IL5RA: variants seen among roughly 807,000 people sequenced by gnomAD.
IL5RA encodes the protein interleukin 5 receptor subunit alpha.
A neutral mutation model predicts 50.0 loss-of-function variants in IL5RA; 49 were observed. The ratio of observed to expected loss-of-function variants is 0.98; its 90% CI spans 0.78 to 1.24. IL5RA has a LOEUF of 1.24. Among genes scored for constraint, IL5RA ranks in the 50% most tolerant of loss-of-function variants. The probability of loss-of-function intolerance (pLI) is 0.00; values close to 1 mark genes in which losing one functional copy is unlikely to be tolerated. For missense variants in IL5RA, 600 were observed against 500.4 expected (o/e 1.20, Z -1.90); for synonymous variants, 202 against 174.0 (o/e 1.16, Z -1.26).
rs1482142192 is a variant in IL5RA at position 3,092,309 on chromosome 3, C to A, written c.909G>T (p.Lys303Asn). 1 of 1,613,926 alleles carries A rather than the reference C, an allele frequency of 6.2e-7. No homozygotes were observed. Among genetic ancestry groups the A allele is most frequent in the African/African-American group, 1.3e-5 (1 of 74,922 alleles). The part of the protein sequence containing the change: ...AFISIIDDLS[K>N]YDVQVRAAVS... ...CTGCTGCTCTCACTTGAACATCGTA[C>A]TTAGAAAGATCATCAATTATTGAGA... The change falls in exon 9 of 12, where the codon AAG becomes AAT. Residue 303 changes from lysine to asparagine, a missense_variant. Transcript: ENST00000446632. This position sits in a 1 kb window ranked among gnomAD's most constrained non-coding sequence, Gnocchi z 4.2.
At chr3:3,102,071 C>G (rs1379020844) in intron 4 of IL5RA, among the ~76,000 whole-genome samples, 2 of 152,180 alleles carry the variant, frequency 1.3e-5, no homozygotes, top group Non-Finnish European at 2.9e-5. Context: ...CTCAAGTTCC[C>G]TTTGAGCACC....
At chr3:3,096,863 C>T (rs1008509145) in intron 7 of IL5RA, among the ~76,000 whole-genome samples, 6 of 152,154 alleles carry the variant, frequency 3.9e-5, no homozygotes, top group Non-Finnish European at 8.8e-5. Flanking sequence ...ATTTATTAAA[C>T]CTTTATGCCA....
Position 3,101,812 on chromosome 3 carries a change from C to A in IL5RA, c.247G>T (p.Glu83Ter). ...TGGAGGATGGTTACACATTTGCTTT[C>A]AGTGATTCTGGTTTCATACTAAAAA... Reference protein sequence around the residue: ...KEDDYETRITESKCVTILHKG... With the variant: ...KEDDYETRIT The change falls in exon 5 of 12, where the codon GAA becomes TAA. Residue 83 changes from glutamate to a stop codon, truncating the protein, a stop_gained. Transcript: ENST00000446632. LOFTEE classifies it high-confidence loss of function. 1.2e-6 allele frequency: 2 copies of A among 1,613,694 alleles called. No individual in the cohort carries two copies. Among genetic ancestry groups the A allele is most frequent in the Middle Eastern group, 1.7e-4 (1 of 6,006 alleles).
Position 3,069,013 on chromosome 3 carries a change from A to G in IL5RA, c.*1212T>C, listed in dbSNP as rs1002210336. The G allele has an allele frequency of 3.3e-5, 5 of 151,894 alleles. No homozygotes were observed. The highest frequency in any genetic ancestry group is 1.2e-4 in the African/African-American group (5 of 41,154). The allele number at this position is 151,894 out of a possible 1,614,324, so 9.4% of individuals were successfully genotyped here. A position where few individuals can be genotyped will look rare whatever the true frequency, so the allele number is the denominator to read the frequency against. On this transcript the variant is annotated 3_prime_UTR_variant, in exon 12 of 12. Coordinates refer to ENST00000446632, the MANE Select transcript of IL5RA (RefSeq NM_175726.4). ...AATATATGGTAGTCAGTGTGTCCCCACCGATGGATCAAAACTGACTAAAAC... is the reference window on the plus strand; with the variant it reads ...AATATATGGTAGTCAGTGTGTCCCCGCCGATGGATCAAAACTGACTAAAAC...
intron 9 of IL5RA, among the ~76,000 whole-genome samples, chr3:3,081,196 T>TG (rs1439747495): frequency 6.6e-6 from 1 of 152,220 alleles, no homozygotes; most frequent in Non-Finnish European, 1.5e-5. Context: ...CTGAGGGCTC[T>TG]GTTAGACTTC....
chr3:3,076,937 T>G (rs1255035776), intron 9 of IL5RA, among the ~76,000 whole-genome samples: 1 of 152,234 alleles, frequency 6.6e-6, no homozygotes, highest in African/African-American at 2.4e-5. Flanking sequence ...ACTGTGCCAC[T>G]TGGATCTTGG....
At chr3:3,103,120 T>C (rs56668691) in intron 3 of IL5RA, 2,004 of 189,738 alleles carry the variant, frequency 0.011, 43 homozygotes, top group African/African-American at 0.045. Flanking sequence ...TAACTTCAAA[T>C]GATCTGTCCG....
chr3:3,071,759 T>A (rs1250160653), intron 11 of IL5RA, among the ~76,000 whole-genome samples: 1 of 152,114 alleles, frequency 6.6e-6, no homozygotes, highest in African/African-American at 2.4e-5. Context: ...CTGAGTAATT[T>A]TTGTATTTTT....
At chr3:3,073,359 T>G (rs1212617563) in intron 11 of IL5RA, among the ~76,000 whole-genome samples, 1 of 152,208 alleles carries the variant, frequency 6.6e-6, no homozygotes, top group African/African-American at 2.4e-5. Flanking sequence ...AATCAAGGGT[T>G]GGCAAACTAC....
intron 9 of IL5RA, among the ~76,000 whole-genome samples, chr3:3,081,356 A>G (rs1036902777): frequency 6.6e-6 from 1 of 152,210 alleles, no homozygotes; most frequent in Admixed American, 6.5e-5. Flanking sequence ...AAACTATTCC[A>G]TGCTCGTAAC....
chr3:3,101,262 C>T (rs1703642172), intron 5 of IL5RA, among the ~76,000 whole-genome samples: 1 of 151,922 alleles, frequency 6.6e-6, no homozygotes, highest in Non-Finnish European at 1.5e-5. Flanking sequence ...ATGGTCTTTT[C>T]AGCTGGTGAT....
At chr3:3,078,081 T>C (rs1426095443) in intron 9 of IL5RA, among the ~76,000 whole-genome samples, 1 of 152,104 alleles carries the variant, frequency 6.6e-6, no homozygotes, top group Non-Finnish European at 1.5e-5. Flanking sequence ...ACTCAGCAAA[T>C]AGCAACACAA....
chr3:3,075,878 G>C (rs1702463864), intron 10 of IL5RA, among the ~76,000 whole-genome samples: 1 of 152,164 alleles, frequency 6.6e-6, no homozygotes, highest in Admixed American at 6.5e-5. Flanking sequence ...GGGATTACAG[G>C]AGTGAGCCCC....
In IL5RA at chr3:3,092,637, A is replaced by C. The variant is rs1315847923; in HGVS notation, c.856-275T>G. Among the ~76,000 whole-genome samples, 3 of 152,236 alleles carry C rather than the reference A, an allele frequency of 2.0e-5. No individual in the cohort carries two copies. The highest frequency in any genetic ancestry group is 7.2e-5 in the African/African-American group (3 of 41,460). On this transcript the variant is annotated intron_variant, in intron 8 of 11. Transcript: ENST00000446632. The surrounding 1 kb of genome is among the most constrained non-coding windows in gnomAD (Gnocchi z 4.2). The stretch of plus-strand genomic sequence containing the variant: ...CTATCCAGGCCCAGCTGATGTTTCC[A>C]GACTGAAAGACTGGAGTGGCCTATG...
intron 5 of IL5RA, among the ~76,000 whole-genome samples, chr3:3,099,612 G>A (rs1214321826): frequency 6.6e-6 from 1 of 151,754 alleles, no homozygotes; most frequent in African/African-American, 2.4e-5. Context: ...CTGGGCAACA[G>A]AGTGAGACCC....
chr3:3,096,189 A>AATGGC (rs3051016), intron 7 of IL5RA, among the ~76,000 whole-genome samples: 6,304 of 151,980 alleles, frequency 0.041, 232 homozygotes, highest in Admixed American at 0.1. Context: ...GAGGCAGGAG[A>AATGGC]ATGGCGTGAA....
intron 11 of IL5RA, among the ~76,000 whole-genome samples, chr3:3,071,213 G>T (rs1702286285): frequency 6.6e-6 from 1 of 152,202 alleles, no homozygotes; most frequent in Non-Finnish European, 1.5e-5. Flanking sequence ...CACACAGCAG[G>T]CATGGCTCCT....
chr3:3,083,384 A>G (rs979300890), intron 9 of IL5RA, among the ~76,000 whole-genome samples: 3 of 152,220 alleles, frequency 2.0e-5, no homozygotes, highest in Non-Finnish European at 4.4e-5. Flanking sequence ...CTGGGCTTGC[A>G]TTAACCGAAT....
chr3:3,095,210 T>A, intron 8 of IL5RA, 89 bp downstream of exon 8: 1 of 970,234 alleles, frequency 1.0e-6, no homozygotes, highest in South Asian at 1.5e-5. Flanking sequence ...TACCAAGCTG[T>A]AACTTGGTTG....
Sources: gnomAD v4.1 joint callset for allele counts (sites outside exome capture counted in the v4.1 genomes callset) on GRCh38, gnomAD v4.1.1 for gene constraint, Gnocchi (gnomAD v3.1) non-coding constraint, MANE v1.5 for transcripts, NCBI Gene and HGNC (gene_info 2026-07-23, HGNC 2026-07-21) for gene names.